CHL1: variants seen among roughly 807,000 people sequenced by gnomAD.
CHL1 encodes the protein cell adhesion molecule L1 like, also known as neural cell adhesion molecule L1-like protein.
In CHL1, 96 loss-of-function variants were observed where a neutral mutation model predicts 141.9. That is an observed-to-expected ratio of 0.68 (90% CI 0.57 to 0.80). CHL1 has a LOEUF of 0.80. Among genes scored for constraint, CHL1 ranks in the 30% least tolerant of loss-of-function variants. The probability of loss-of-function intolerance (pLI) is 0.00; values close to 1 mark genes in which losing one functional copy is unlikely to be tolerated. For synonymous variants in CHL1, 613 were observed against 502.2 expected (o/e 1.22, Z -2.95); for missense variants, 1,820 against 1,457.2 (o/e 1.25, Z -4.05).
rs1559307471 is a variant in CHL1, at chr3:360,421, G to T, written c.1303G>T (p.Val435Leu). The T allele has an allele frequency of 6.2e-7, 1 of 1,613,208 alleles. No individual in the cohort carries two copies. ...CCTTGCCAATGCCAATATTGATGTT[G>T]TGGGTGAGTGTGCCTGGGAGCTGAC... ...TILANANIDVVDVRPLIQTKD... is the reference protein window; with the variant it reads ...TILANANIDVLDVRPLIQTKD... The change falls in exon 12 of 28, where the codon GTG becomes TTG. Residue 435 changes from valine to leucine, a missense_variant. Coordinates refer to ENST00000256509, the MANE Select transcript of CHL1 (RefSeq NM_006614.4).
intron 2 of CHL1, chr3:282,609 G>T (rs1230842290): frequency 6.6e-6 from 1 of 152,178 alleles, no homozygotes; most frequent in East Asian, 1.9e-4. Context: ...TAGTTTTGCT[G>T]TGTATAGAAT....
At chr3:384,236 G>T (rs1279057139) in intron 19 of CHL1, 8 of 166,240 alleles carry the variant, frequency 4.8e-5, no homozygotes, top group East Asian at 1.6e-4. Flanking sequence ...TAATCTACTA[G>T]ATATTATGCA....
At chr3:405,355 T>C (rs1709458669) in intron 27 of CHL1, 140 bp from the exon 28 acceptor site, 9 of 603,590 alleles carry the variant, frequency 1.5e-5, no homozygotes, top group South Asian at 8.1e-5. Flanking sequence ...GGTAGTATCA[T>C]GTGGGCTTTA....
At chr3:216,012 A>C (rs1399043438) in intron 1 of CHL1, among the ~76,000 whole-genome samples, 2 of 152,202 alleles carry the variant, frequency 1.3e-5, no homozygotes, top group African/African-American at 4.8e-5. Flanking sequence ...GGCATAATGA[A>C]TGTTCTGAGT....
At chr3:368,599 A>G (rs1705205250) in intron 15 of CHL1, among the ~76,000 whole-genome samples, 1 of 152,192 alleles carries the variant, frequency 6.6e-6, no homozygotes, top group Admixed American at 6.5e-5. Context: ...TAGTTTGATT[A>G]GATCCCATTT....
intron 5 of CHL1, among the ~76,000 whole-genome samples, chr3:331,276 G>C (rs1701420886): frequency 6.6e-6 from 1 of 152,136 alleles, no homozygotes; most frequent in Non-Finnish European, 1.5e-5. Context: ...TCAGGCTGGA[G>C]TGCAGTGGTG....
Position 389,412 on chromosome 3 carries a change from C to A in CHL1, c.2408C>A (p.Ala803Asp). 6.2e-7 allele frequency: 1 copy of A among 1,614,194 alleles called. No individual in the cohort carries two copies. The highest frequency in any genetic ancestry group is 8.5e-7 in the Non-Finnish European group (1 of 1,180,032). ...GCCCCTTATGATGTCAAGGTCCAGG[C>A]TATCAATCAACTAGGATCTGGGCCT... ...VYAPYDVKVQ[A>D]INQLGSGPDP... The change falls in exon 20 of 28, where the codon GCT becomes GAT. Residue 803 changes from alanine (A) to aspartate (D), a missense_variant. Ala to Asp is a moderately radical substitution (Grantham distance 126, BLOSUM62 -2). Coordinates refer to ENST00000256509, the MANE Select transcript of CHL1 (RefSeq NM_006614.4).
intron 5 of CHL1, 71 bp from the exon 6 acceptor site, chr3:340,723 A>G: frequency 3.2e-6 from 4 of 1,248,824 alleles, no homozygotes; most frequent in Non-Finnish European, 4.5e-6. Context: ...AAAAAAGAAC[A>G]TATTAAGATA....
At chr3:405,216 C>G (rs1348735653) in intron 27 of CHL1, among the ~76,000 whole-genome samples, 1 of 152,150 alleles carries the variant, frequency 6.6e-6, no homozygotes, top group Admixed American at 6.6e-5. Flanking sequence ...ACATGTCCTA[C>G]AGAAGCTAAG....
intron 15 of CHL1, among the ~76,000 whole-genome samples, chr3:368,441 GTTGT>G (rs749484036): frequency 2.6e-5 from 4 of 151,972 alleles, no homozygotes; most frequent in Middle Eastern, 3.2e-3. Flanking sequence ...GTTTGATGGG[GTTGT>G]TTGTTTCTTA....
chr3:342,146 T>C, intron 7 of CHL1, 64 bp downstream of exon 7: 4 of 1,452,128 alleles, frequency 2.8e-6, no homozygotes, highest in Non-Finnish European at 3.8e-6. Context: ...GTAATTTCCT[T>C]CTGGCTGAAG....
At chr3:234,459 A>C (rs374984897) in intron 1 of CHL1, among the ~76,000 whole-genome samples, 1 of 152,158 alleles carries the variant, frequency 6.6e-6, no homozygotes, top group Non-Finnish European at 1.5e-5. Flanking sequence ...CGTAGTTATC[A>C]AGACTAAAAT....
intron 2 of CHL1, among the ~76,000 whole-genome samples, chr3:285,973 C>T (rs1051226726): frequency 6.6e-6 from 1 of 152,000 alleles, no homozygotes; most frequent in Non-Finnish European, 1.5e-5. Flanking sequence ...TTTTTTTCTC[C>T]TGTCACTTTC....
chr3:341,670 G>GTC (rs1049493672), intron 6 of CHL1, among the ~76,000 whole-genome samples: 2 of 152,112 alleles, frequency 1.3e-5, no homozygotes, highest in Admixed American at 1.3e-4. Flanking sequence ...ACCACTGTTT[G>GTC]TCTACTGGTG....
rs767344137 is a variant in CHL1, at chr3:363,214, T to C, written c.1419-3T>C. Reference sequence around the variant, plus strand: ...GATGGATGTACGCTTTCTTTGTCCATAGGCAGAAGGTGGAAGAAGTGAAAC... The same window carrying C: ...GATGGATGTACGCTTTCTTTGTCCACAGGCAGAAGGTGGAAGAAGTGAAAC... On this transcript the variant is annotated splice_region_variant and splice_polypyrimidine_tract_variant and intron_variant, in intron 13 of 27. Coordinates refer to ENST00000256509, the MANE Select transcript of CHL1 (RefSeq NM_006614.4). The C allele has an allele frequency of 1.2e-6, 2 of 1,606,080 alleles. No individual in the cohort carries two copies. The highest frequency in any genetic ancestry group is 1.3e-5 in the African/African-American group (1 of 74,160).
chr3:406,039 T>C lies in CHL1; in HGVS notation c.*328T>C. 4.0e-6 allele frequency: 1 copy of C among 250,664 alleles called. No homozygotes were observed. Among genetic ancestry groups the C allele is most frequent in the Non-Finnish European group, 7.8e-6 (1 of 128,500 alleles). The allele number at this position is 250,664 out of a possible 1,614,324, so 15.5% of individuals were successfully genotyped here. ...TGCCTGATTTTACTATTCGGTGTGT[T>C]TGCATAGATGTTGCTACTTGGTGGG... is the stretch of plus-strand genomic sequence containing the variant. On this transcript the variant is annotated 3_prime_UTR_variant, in exon 28 of 28. Transcript: ENST00000256509.
intron 19 of CHL1, chr3:385,875 C>G (rs575220086): frequency 3.5e-5 from 5 of 144,890 alleles, no homozygotes; most frequent in Non-Finnish European, 7.5e-5. Context: ...GAGGAGCAAA[C>G]GACATGTCAT....
intron 2 of CHL1, among the ~76,000 whole-genome samples, chr3:293,389 GC>G (rs1260637652): frequency 2.0e-5 from 3 of 152,092 alleles, no homozygotes; most frequent in Non-Finnish European, 2.9e-5. Flanking sequence ...TGTAGTCCCA[GC>G]TACTCTGGAG....
chr3:302,901 T>A (rs952019655), intron 2 of CHL1, among the ~76,000 whole-genome samples: 4 of 152,190 alleles, frequency 2.6e-5, no homozygotes, highest in Non-Finnish European at 5.9e-5. Flanking sequence ...CTTTGACCTA[T>A]CTTGAGTTGA....
Sources: gnomAD v4.1 joint callset for allele counts (sites outside exome capture counted in the v4.1 genomes callset) on GRCh38, gnomAD v4.1.1 for gene constraint, MANE v1.5 for transcripts, NCBI Gene and HGNC (gene_info 2026-07-23, HGNC 2026-07-21) for gene names.